CNTNAP5: variants seen among roughly 807,000 people sequenced by gnomAD.
The protein encoded by CNTNAP5 is contactin associated protein family member 5.
In CNTNAP5, 72 loss-of-function variants were observed where a neutral mutation model predicts 150.2. The observed-to-expected ratio is 0.48, with a 90% CI of 0.40 to 0.58. CNTNAP5 has a LOEUF of 0.58. Ranked by LOEUF, CNTNAP5 falls within the 20% of genes least tolerant of loss-of-function variation. CNTNAP5 has a pLI of 0.00. For missense variants in CNTNAP5, 1,636 were observed against 1,626.2 expected (o/e 1.01, Z -0.10); for synonymous variants, 672 against 619.8 (o/e 1.08, Z -1.25).
chr2:124,035,970 T>C (rs376743106), intron 1 of CNTNAP5, among the ~76,000 whole-genome samples: 2 of 126,526 alleles, frequency 1.6e-5, no homozygotes, highest in South Asian at 5.5e-4. Flanking sequence ...CAGGCCGGAC[T>C]GCGGACTGCA....
chr2:124,866,720 A>G (rs1039226934), intron 20 of CNTNAP5, among the ~76,000 whole-genome samples: 1 of 152,138 alleles, frequency 6.6e-6, no homozygotes. Context: ...CCAACAGAGA[A>G]TAGACAGAGT....
At chr2:124,527,612 G>A (rs1695004821) in intron 10 of CNTNAP5, among the ~76,000 whole-genome samples, 156 bp downstream of exon 10, 1 of 152,092 alleles carries the variant, frequency 6.6e-6, no homozygotes, top group South Asian at 2.1e-4. Context: ...AGGATTTCAG[G>A]CCCAGAGAAA....
chr2:124,763,785 G>A lies in CNTNAP5; in HGVS notation c.2348G>A (p.Arg783His), dbSNP rs747875752. 1.2e-6 allele frequency: 2 copies of A among 1,612,978 alleles called. No homozygotes were observed. The highest frequency in any genetic ancestry group is 8.5e-7 in the Non-Finnish European group (1 of 1,179,436). ...SEAAWRIGPL[R>H]CYGDRRFWNA... is the part of the protein sequence containing the mutation. ...GCCGCTTGGAGAATTGGTCCCTTGC[G>A]TTGCTATGGTGACCGTGAGTACAAA... Residue 783 changes from arginine to histidine, a missense_variant, in exon 15 of 24, where the codon CGT becomes CAT. By Grantham distance (29) the Arg-to-His change is conservative. Coordinates refer to ENST00000682447, the MANE Select transcript of CNTNAP5 (RefSeq NM_001367498.1).
At chr2:124,275,502 C>A (rs1314677194) in intron 3 of CNTNAP5, among the ~76,000 whole-genome samples, 1 of 152,108 alleles carries the variant, frequency 6.6e-6, no homozygotes, top group East Asian at 1.9e-4. Flanking sequence ...AAATCTACTG[C>A]ATGGGCCCAG....
intron 3 of CNTNAP5, among the ~76,000 whole-genome samples, chr2:124,346,849 T>C (rs896547678): frequency 7.4e-5 from 11 of 147,842 alleles, no homozygotes; most frequent in African/African-American, 1.3e-4. Context: ...GGTGGGAGGA[T>C]CACCTGAGGT....
In CNTNAP5 at chr2:124,287,074, C is replaced by CTGGT. The variant is rs1210854092; in HGVS notation, c.381+44681_381+44682insTGGT. On this transcript the variant is annotated intron_variant, in intron 3 of 23. Transcript: ENST00000682447. Reference sequence around the variant, plus strand: ...ATGCAATACTTACCAGAACAGCAGCCACAGTCTGACTCCCACTCGCTCAAA... The same window carrying CTGGT: ...ATGCAATACTTACCAGAACAGCAGCCTGGTACAGTCTGACTCCCACTCGCTCAAA... Among the ~76,000 whole-genome samples, 6 of 152,288 alleles carry CTGGT rather than the reference C, an allele frequency of 3.9e-5. No homozygotes were observed. In the South Asian group the frequency reaches 8.3e-4, roughly 21 times the overall value.
At chr2:124,168,074 G>A (rs1684848216) in intron 1 of CNTNAP5, among the ~76,000 whole-genome samples, 1 of 152,184 alleles carries the variant, frequency 6.6e-6, no homozygotes, top group Non-Finnish European at 1.5e-5. Flanking sequence ...CTGTTGTGAG[G>A]ATTAAACAAG....
chr2:124,326,778 C>T (rs910023666), intron 3 of CNTNAP5, among the ~76,000 whole-genome samples: 2 of 151,832 alleles, frequency 1.3e-5, no homozygotes, highest in Admixed American at 1.3e-4. Context: ...AATAAATATA[C>T]AACTATAAAA....
rs114210628 is a variant in CNTNAP5, at chr2:124,120,860, C to A, written c.82+95128C>A. ...AATGAAGTGCCTGGGTATGCAATCA[C>A]CCATACCTGAGTCTTGGTTCAAAAG... On this transcript the variant is annotated intron_variant, in intron 1 of 23. Coordinates refer to ENST00000682447, the MANE Select transcript of CNTNAP5 (RefSeq NM_001367498.1). Among the ~76,000 whole-genome samples, 775 of 152,218 alleles carry A rather than the reference C, an allele frequency of 5.1e-3. 6 individuals are homozygous for A. The highest frequency in any genetic ancestry group is 0.018 in the African/African-American group (728 of 41,538).
At position 124,706,838 on chromosome 2, in the gene CNTNAP5, G is replaced by GA. The variant is rs1558743111; in HGVS notation, c.2078-40391_2078-40390insA. Among the ~76,000 whole-genome samples the GA allele has an allele frequency of 7.7e-3, 41 of 5,354 alleles. 5 individuals are homozygous for GA. Among genetic ancestry groups the GA allele is most frequent in the Admixed American group, 0.015 (6 of 396 alleles). The allele number at this position is 5,354 out of a possible 152,430, so 3.5% of individuals were successfully genotyped here. A position where few individuals can be genotyped will look rare whatever the true frequency, so the allele number is the denominator to read the frequency against. ...GAGGAGGAGGAGGAAGAGGAGGAGG[G>GA]GGAGGAAGGAGGAGGAGGAGAAGGA... On this transcript the variant is annotated intron_variant, in intron 13 of 23. Transcript: ENST00000682447.
At chr2:124,627,694 A>G (rs1378776344) in intron 12 of CNTNAP5, among the ~76,000 whole-genome samples, 1 of 152,192 alleles carries the variant, frequency 6.6e-6, no homozygotes, top group Non-Finnish European at 1.5e-5. Context: ...CAGCAAGGTC[A>G]CAGAACGGAG....
At chr2:124,614,096 A>T (rs1178122371) in intron 12 of CNTNAP5, among the ~76,000 whole-genome samples, 2 of 152,222 alleles carry the variant, frequency 1.3e-5, no homozygotes, top group African/African-American at 2.4e-5. Flanking sequence ...AGGTTCAGCC[A>T]ATATAATTTT....
intron 13 of CNTNAP5, among the ~76,000 whole-genome samples, chr2:124,743,750 A>G (rs1255807032): frequency 6.6e-6 from 1 of 152,210 alleles, no homozygotes; most frequent in East Asian, 1.9e-4. Flanking sequence ...GAACCTGATC[A>G]ATTAAGTTCT....
intron 12 of CNTNAP5, among the ~76,000 whole-genome samples, chr2:124,634,584 C>T (rs554054856): frequency 6.6e-6 from 1 of 152,066 alleles, no homozygotes; most frequent in Non-Finnish European, 1.5e-5. Context: ...TCTTGGTTCA[C>T]AGTAGTGTTG....
chr2:124,244,408 G>A (rs1686966380), intron 3 of CNTNAP5, among the ~76,000 whole-genome samples: 1 of 152,076 alleles, frequency 6.6e-6, no homozygotes, highest in South Asian at 2.1e-4. Flanking sequence ...AAGGGTGGGG[G>A]CAGGAGACTT....
At chr2:124,377,005 T>C (rs1690664856) in intron 3 of CNTNAP5, among the ~76,000 whole-genome samples, 1 of 152,092 alleles carries the variant, frequency 6.6e-6, no homozygotes, top group Admixed American at 6.6e-5. Flanking sequence ...TGTGTTTGAA[T>C]CAAAGTAAGA....
At chr2:124,313,005 A>G (rs1197415266) in intron 3 of CNTNAP5, among the ~76,000 whole-genome samples, 1 of 152,218 alleles carries the variant, frequency 6.6e-6, no homozygotes, top group Non-Finnish European at 1.5e-5. Context: ...ACGCCTGGCC[A>G]GTGATCAGTT....
chr2:124,471,312 T>G (rs1353042439), intron 6 of CNTNAP5, among the ~76,000 whole-genome samples: 2 of 152,180 alleles, frequency 1.3e-5, no homozygotes, highest in Admixed American at 6.6e-5. Flanking sequence ...TCTATGTATT[T>G]TATTCTTTTT....
At chr2:124,056,648 A>AAAC (rs1186242376) in intron 1 of CNTNAP5, among the ~76,000 whole-genome samples, 11 of 152,140 alleles carry the variant, frequency 7.2e-5, no homozygotes, top group Admixed American at 3.3e-4. Flanking sequence ...TCCATCTCAA[A>AAAC]AACAACAAGA....
Sources: allele counts gnomAD v4.1 joint callset (sites outside exome capture counted in the v4.1 genomes callset), GRCh38; gene constraint gnomAD v4.1.1; transcripts MANE v1.5; gene names NCBI Gene and HGNC (gene_info 2026-07-23, HGNC 2026-07-21).